NRG3: variants seen among roughly 807,000 people sequenced by gnomAD.
NRG3 encodes the protein neuregulin 3.
Under a neutral mutation model 66.9 loss-of-function variants are expected in NRG3, and 31 were observed. That is an observed-to-expected ratio of 0.46 (90% CI 0.35 to 0.63). NRG3 has a LOEUF of 0.63. Among genes scored for constraint, NRG3 ranks in the 20% least tolerant of loss-of-function variants. NRG3 has a pLI of 0.00. For missense variants in NRG3, 910 were observed against 878.9 expected (o/e 1.04, Z -0.45); for synonymous variants, 393 against 359.4 (o/e 1.09, Z -1.06).
In NRG3 at chr10:82,455,088, A is replaced by C. The variant is rs191154020; in HGVS notation, c.953+96220A>C. On this transcript the variant is annotated intron_variant, in intron 2 of 8. Transcript: ENST00000372141. Reference sequence around the variant, plus strand: ...CTGAACTCCAAGCACTCTTTACCTCACACGTGGCTCCCTCGAGTAAGAAAA... The same window carrying C: ...CTGAACTCCAAGCACTCTTTACCTCCCACGTGGCTCCCTCGAGTAAGAAAA... 4.6e-5 allele frequency among the ~76,000 whole-genome samples: 7 copies of C among 152,290 alleles called. No individual in the cohort carries two copies. In the East Asian group the frequency reaches 1.4e-3, roughly 29 times the overall value.
chr10:81,948,813 A>G (rs2133168192), intron 1 of NRG3, among the ~76,000 whole-genome samples: 1 of 152,306 alleles, frequency 6.6e-6, no homozygotes, highest in South Asian at 2.1e-4. Context: ...GAGAATCCTC[A>G]AAACTAGCCC....
intron 2 of NRG3, among the ~76,000 whole-genome samples, chr10:82,665,539 C>G (rs1465277558): frequency 6.6e-6 from 1 of 152,182 alleles, no homozygotes; most frequent in Non-Finnish European, 1.5e-5. Context: ...AACTTTGTCT[C>G]CTCATGACTG....
intron 2 of NRG3, among the ~76,000 whole-genome samples, chr10:82,584,330 C>G (rs971069618): frequency 6.6e-6 from 1 of 152,146 alleles, no homozygotes; most frequent in African/African-American, 2.4e-5. Flanking sequence ...AGGTGATCCA[C>G]CTACCTCAGC....
At chr10:82,846,615 AAATGGAAGATTTTGAGAGT>A (rs2063319914) in intron 3 of NRG3, among the ~76,000 whole-genome samples, 1 of 152,194 alleles carries the variant, frequency 6.6e-6, no homozygotes, top group South Asian at 2.1e-4. Context: ...CAATCAGCAC[AAATGGAAGATTTTGAGAGT>A]AATGTCAAGA....
At chr10:82,513,567 C>T (rs180748309) in intron 2 of NRG3, among the ~76,000 whole-genome samples, 21 of 152,196 alleles carry the variant, frequency 1.4e-4, no homozygotes, top group South Asian at 6.2e-4. Context: ...CCATCAAGAG[C>T]GTAAAAAGCA....
chr10:81,901,535 G>C (rs1315818481), intron 1 of NRG3, among the ~76,000 whole-genome samples: 1 of 152,082 alleles, frequency 6.6e-6, no homozygotes, highest in African/African-American at 2.4e-5. Context: ...TGAGCGTGGT[G>C]GCATGCTCCT....
At chr10:81,893,244 C>T (rs1263201258) in intron 1 of NRG3, among the ~76,000 whole-genome samples, 1 of 152,042 alleles carries the variant, frequency 6.6e-6, no homozygotes, top group Non-Finnish European at 1.5e-5. Context: ...TACTCTAACA[C>T]AATTTTAGCT....
intron 1 of NRG3, among the ~76,000 whole-genome samples, chr10:82,285,319 AG>A (rs1276890601): frequency 6.6e-6 from 1 of 152,210 alleles, no homozygotes; most frequent in Non-Finnish European, 1.5e-5. Flanking sequence ...TGACTTCAGC[AG>A]ATAAAGAGGA....
At chr10:82,778,833 G>T (rs112625615) in intron 3 of NRG3, among the ~76,000 whole-genome samples, 1 of 152,068 alleles carries the variant, frequency 6.6e-6, no homozygotes, top group African/African-American at 2.4e-5. Flanking sequence ...TTCAGTTGCT[G>T]GGGGAGTAGC....
intron 1 of NRG3, among the ~76,000 whole-genome samples, chr10:81,954,806 C>T (rs1849671436): frequency 6.6e-6 from 1 of 152,130 alleles, no homozygotes. Flanking sequence ...ACTTCACAAG[C>T]AGTCCTGCTC....
chr10:82,831,282 A>T (rs2062507163), intron 3 of NRG3, among the ~76,000 whole-genome samples: 1 of 152,182 alleles, frequency 6.6e-6, no homozygotes, highest in Non-Finnish European at 1.5e-5. Flanking sequence ...GGAAACAAGA[A>T]GTCTACTTAA....
chr10:82,776,095 C>T (rs925698490), intron 3 of NRG3, among the ~76,000 whole-genome samples: 1 of 152,104 alleles, frequency 6.6e-6, no homozygotes, highest in Non-Finnish European at 1.5e-5. Flanking sequence ...AAAAGCTAAA[C>T]ATTTTTTGTA....
intron 2 of NRG3, among the ~76,000 whole-genome samples, chr10:82,367,399 T>G (rs1376572425): frequency 6.6e-6 from 1 of 152,074 alleles, no homozygotes; most frequent in African/African-American, 2.4e-5. Flanking sequence ...ATTACTGGAG[T>G]GTTTTTATAG....
intron 1 of NRG3, among the ~76,000 whole-genome samples, chr10:82,210,503 T>C (rs2075343550): frequency 6.6e-6 from 1 of 152,154 alleles, no homozygotes; most frequent in Non-Finnish European, 1.5e-5. Context: ...GATTGGGTTG[T>C]GCGAAAGAGA....
chr10:82,482,214 T>C (rs1353213063), intron 2 of NRG3, among the ~76,000 whole-genome samples: 4 of 152,144 alleles, frequency 2.6e-5, no homozygotes, highest in African/African-American at 9.7e-5. Flanking sequence ...ATACCACAAC[T>C]GTTTTTATTA....
At chr10:82,679,197 C>T (rs544900106) in intron 2 of NRG3, among the ~76,000 whole-genome samples, 13 of 152,260 alleles carry the variant, frequency 8.5e-5, no homozygotes, top group Middle Eastern at 3.4e-3. Flanking sequence ...CTTCTCACTC[C>T]GTCTGACTCT....
At chr10:82,488,412 T>C (rs997561190) in intron 2 of NRG3, among the ~76,000 whole-genome samples, 1 of 152,220 alleles carries the variant, frequency 6.6e-6, no homozygotes, top group Non-Finnish European at 1.5e-5. Flanking sequence ...AAGTAAAATT[T>C]AAATAAATAC....
At chr10:82,086,114 C>T (rs1347659606) in intron 1 of NRG3, among the ~76,000 whole-genome samples, 2 of 139,598 alleles carry the variant, frequency 1.4e-5, no homozygotes, top group African/African-American at 5.7e-5. Context: ...GATATGGAAT[C>T]ACAAAAAAAA....
At chr10:82,180,775 C>A (rs573189627) in intron 1 of NRG3, among the ~76,000 whole-genome samples, 5 of 151,878 alleles carry the variant, frequency 3.3e-5, no homozygotes, top group Middle Eastern at 6.8e-3. Flanking sequence ...TTGGAGGGGG[C>A]CCCTCAACCA....
Sources: gnomAD v4.1 joint callset for allele counts (sites outside exome capture counted in the v4.1 genomes callset) on GRCh38, gnomAD v4.1.1 for gene constraint, MANE v1.5 for transcripts, NCBI Gene and HGNC (gene_info 2026-07-23, HGNC 2026-07-21) for gene names.